The following FARP1 variants were observed in gnomAD, a reference collection of about 807,000 sequenced individuals.
FARP1 encodes the protein FERM, ARHGEF and pleckstrin domain-containing protein 1.
Under a neutral mutation model 128.8 loss-of-function variants are expected in FARP1, and 52 were observed. The observed-to-expected ratio is 0.40, with a 90% CI of 0.32 to 0.51. The LOEUF (loss-of-function observed/expected upper bound fraction) is 0.51, where lower values mean the gene tolerates loss of function less well. FARP1 is among the 20% of genes least tolerant of loss of function. The probability of loss-of-function intolerance (pLI) is 0.45; values close to 1 mark genes in which losing one functional copy is unlikely to be tolerated. For synonymous variants in FARP1, 580 were observed against 551.8 expected, an observed-to-expected ratio of 1.05 and a Z score of -0.72; for missense variants, 1,333 against 1,367.9, an observed-to-expected ratio of 0.97 and a Z score of 0.40.
intron 2 of FARP1, among the ~76,000 whole-genome samples, chr13:98,231,599 G>T (rs766078543): frequency 2.0e-4 from 31 of 151,420 alleles, no homozygotes; most frequent in Non-Finnish European, 4.4e-4. Flanking sequence ...CGCCATGCCC[G>T]GCTAATTTTT....
intron 2 of FARP1, among the ~76,000 whole-genome samples, chr13:98,308,596 A>G (rs1242988068): frequency 6.6e-6 from 1 of 152,204 alleles, no homozygotes; most frequent in African/African-American, 2.4e-5. Context: ...AATTTCAAAG[A>G]CTTAACAACA....
intron 19 of FARP1, among the ~76,000 whole-genome samples, chr13:98,437,175 T>TA (rs1892304159): frequency 6.6e-6 from 1 of 152,232 alleles, no homozygotes. Context: ...ATAGTGGCAT[T>TA]AACTACATTG....
intron 5 of FARP1, among the ~76,000 whole-genome samples, chr13:98,371,032 A>T (rs1889303943): frequency 6.6e-6 from 1 of 151,976 alleles, no homozygotes; most frequent in African/African-American, 2.4e-5. Context: ...GTCGTTGGAA[A>T]CTGCATTGCC....
At chr13:98,263,436 G>A (rs151150855) in intron 2 of FARP1, among the ~76,000 whole-genome samples, 1 of 152,330 alleles carries the variant, frequency 6.6e-6, no homozygotes, top group East Asian at 1.9e-4. Context: ...AACTTGAAAT[G>A]TGAGAAAATA....
intron 2 of FARP1, among the ~76,000 whole-genome samples, chr13:98,339,479 T>C (rs1474535400): frequency 6.6e-6 from 1 of 152,118 alleles, no homozygotes; most frequent in African/African-American, 2.4e-5. Flanking sequence ...GAGATTTGGG[T>C]GGGGACACAG....
chr13:98,264,955 C>A (rs1051443696), intron 2 of FARP1, among the ~76,000 whole-genome samples: 1 of 152,192 alleles, frequency 6.6e-6, no homozygotes, highest in Admixed American at 6.5e-5. Context: ...GGTTACCGAA[C>A]CTTACAAACT....
At chr13:98,163,713 C>CT (rs11440645) in intron 1 of FARP1, among the ~76,000 whole-genome samples, 88,069 of 143,894 alleles carry the variant, frequency 0.61, 29,152 homozygotes, top group East Asian at 0.79. Flanking sequence ...ATGGCCTTTT[C>CT]TTTTTTTTTT....
At chr13:98,186,209 C>T (rs375917526) in intron 1 of FARP1, among the ~76,000 whole-genome samples, 28 of 152,212 alleles carry the variant, frequency 1.8e-4, no homozygotes, top group African/African-American at 6.5e-4. Context: ...CTGGTTCAAG[C>T]GATTCTCCTG....
At chr13:98,354,468 G>T (rs374008068) in intron 3 of FARP1, among the ~76,000 whole-genome samples, 1 of 152,156 alleles carries the variant, frequency 6.6e-6, no homozygotes, top group Non-Finnish European at 1.5e-5. Flanking sequence ...CAATAAGGAC[G>T]TTCTTTAGTT....
intron 2 of FARP1, among the ~76,000 whole-genome samples, chr13:98,268,269 A>C (rs966170837): frequency 1.3e-5 from 2 of 152,164 alleles, no homozygotes; most frequent in Non-Finnish European, 2.9e-5. Context: ...GACCAAGTGG[A>C]CCACAAAGCT....
chr13:98,209,984 A>AAAT (rs199986456), intron 1 of FARP1, among the ~76,000 whole-genome samples: 8 of 150,682 alleles, frequency 5.3e-5, no homozygotes, highest in Middle Eastern at 3.5e-3. Context: ...ATTCCATTGC[A>AAAT]AATAATAATA....
At chr13:98,156,965 C>T (rs558375141) in intron 1 of FARP1, among the ~76,000 whole-genome samples, 1 of 152,222 alleles carries the variant, frequency 6.6e-6, no homozygotes, top group African/African-American at 2.4e-5. Context: ...TTAATACCCC[C>T]AAATAAGAAA....
At chr13:98,278,751 A>T (rs750093867) in intron 2 of FARP1, among the ~76,000 whole-genome samples, 9 of 152,196 alleles carry the variant, frequency 5.9e-5, no homozygotes, top group Non-Finnish European at 1.0e-4. Context: ...AATATTAATT[A>T]TGAACACTTA....
chr13:98,206,228 C>T (rs1029502961), intron 1 of FARP1, among the ~76,000 whole-genome samples: 35 of 149,200 alleles, frequency 2.3e-4, no homozygotes, highest in Non-Finnish European at 4.6e-4. Flanking sequence ...ATCCTTTCAA[C>T]CTTTGCTATT....
chr13:98,375,992 G>T (rs1042196014), intron 5 of FARP1, among the ~76,000 whole-genome samples: 5 of 152,106 alleles, frequency 3.3e-5, no homozygotes, highest in African/African-American at 1.2e-4. Context: ...TCAGGCAGCA[G>T]GTAAACTAGA....
At chr13:98,326,873 T>A (rs1274990171) in intron 2 of FARP1, among the ~76,000 whole-genome samples, 1 of 152,250 alleles carries the variant, frequency 6.6e-6, no homozygotes, top group African/African-American at 2.4e-5. Context: ...TTTTAGGGCA[T>A]GTATAATTTT....
At chr13:98,310,617 G>T (rs1886417376) in intron 2 of FARP1, among the ~76,000 whole-genome samples, 3 of 152,140 alleles carry the variant, frequency 2.0e-5, no homozygotes, top group South Asian at 4.1e-4. Flanking sequence ...TGAACACTTG[G>T]TAGATTTTAG....
At chr13:98,330,213 T>C (rs1421186704) in intron 2 of FARP1, among the ~76,000 whole-genome samples, 1 of 152,008 alleles carries the variant, frequency 6.6e-6, no homozygotes, top group East Asian at 1.9e-4. Context: ...CATTTGGATA[T>C]GAGCTCAGGT....
In FARP1 at chr13:98,368,161, C is replaced by T. The variant is rs370830451; in HGVS notation, c.364C>T (p.Pro122Ser). 2.5e-5 allele frequency: 40 copies of T among 1,613,994 alleles called. No individual in the cohort carries two copies. The African/African-American group carries it at 4.8e-4, about 19-fold the overall frequency. Residue 122 changes from proline (P) to serine (S), a missense_variant, in exon 5 of 27, where the codon CCT (proline) becomes TCT (serine). By Grantham distance (74) the Pro-to-Ser change is moderately conservative. Transcript: ENST00000319562. ...TAAGTTTGTGGTGAAATTCTTTCCG[C>T]CTGACCACACACAACTCCAAGAAGA... ...VVKFVVKFFP[P>S]DHTQLQEELT...
Sources: gnomAD v4.1 joint callset for allele counts (sites outside exome capture counted in the v4.1 genomes callset) on GRCh38, gnomAD v4.1.1 for gene constraint, MANE v1.5 for transcripts, NCBI Gene and HGNC (gene_info 2026-07-23, HGNC 2026-07-21) for gene names.